SLC9C1: variants seen among roughly 807,000 people sequenced by gnomAD.
SLC9C1 encodes sodium/hydrogen exchanger 10.
Under a neutral mutation model 140.9 loss-of-function variants are expected in SLC9C1, and 97 were observed. That is an observed-to-expected ratio of 0.69 (90% confidence interval 0.58 to 0.82). The LOEUF is 0.82. SLC9C1 is among the 40% of genes least tolerant of loss of function. The pLI is 0.00. For synonymous variants in SLC9C1, 440 were observed against 442.6 expected (o/e 0.99, Z 0.07); for missense variants, 1,340 against 1,389.3 (o/e 0.96, Z 0.56).
rs768777268 is a variant in SLC9C1 at position 112,239,971 on chromosome 3, C to T, written c.1315G>A (p.Val439Ile). ...RDATSTKYKS[V>I]CCTFQHFQEL... ...TGAAAGTGTTGAAATGTGCAACAAACCGATTTATATTTTGTTGATGTGGCA... is the reference window on the plus strand; with the variant it reads ...TGAAAGTGTTGAAATGTGCAACAAATCGATTTATATTTTGTTGATGTGGCA... Residue 439 changes from valine to isoleucine, a missense_variant, in exon 12 of 29, where the codon GTT (valine) becomes ATT (isoleucine). Physicochemically the swap from Val to Ile is conservative, Grantham distance 29 (BLOSUM62 3). Transcript: ENST00000305815. 1.9e-6 allele frequency: 3 copies of T among 1,612,356 alleles called. No homozygotes were observed. In the Admixed American group the frequency reaches 5.0e-5, roughly 27 times the overall value.
chr3:112,243,945 A>G (rs776793910), intron 11 of SLC9C1, 50 bp downstream of exon 11: 3 of 1,263,902 alleles, frequency 2.4e-6, no homozygotes, highest in South Asian at 1.4e-5. Context: ...CTTCTTTACC[A>G]TACTTAGAAT....
At chr3:112,194,619 C>T (rs1431580790) in intron 20 of SLC9C1, among the ~76,000 whole-genome samples, 1 of 152,092 alleles carries the variant, frequency 6.6e-6, no homozygotes, top group African/African-American at 2.4e-5. Context: ...CTTGAGACTC[C>T]ACTTTCAATT....
chr3:112,230,440 A>C (rs2078790133), intron 13 of SLC9C1, among the ~76,000 whole-genome samples: 1 of 152,148 alleles, frequency 6.6e-6, no homozygotes. Context: ...AGCAATACCT[A>C]ATTTGGTAGG....
intron 14 of SLC9C1, among the ~76,000 whole-genome samples, chr3:112,218,712 GGTAA>G (rs2078457261): frequency 6.6e-6 from 1 of 152,088 alleles, no homozygotes; most frequent in African/African-American, 2.4e-5. Context: ...AGTAAAACGT[GGTAA>G]GTGTTGCCAC....
At chr3:112,289,813 C>T (rs924713356) in intron 1 of SLC9C1, among the ~76,000 whole-genome samples, 15 of 152,054 alleles carry the variant, frequency 9.9e-5, no homozygotes, top group Non-Finnish European at 1.5e-5. Context: ...CTGAAGATCT[C>T]GAATGTAATA....
intron 15 of SLC9C1, among the ~76,000 whole-genome samples, chr3:112,214,121 C>T (rs2078286709): frequency 1.3e-5 from 2 of 152,190 alleles, no homozygotes; most frequent in South Asian, 4.1e-4. Context: ...GGGTACATGA[C>T]AAAATGAAGG....
intron 6 of SLC9C1, among the ~76,000 whole-genome samples, chr3:112,271,083 A>G (rs1192114749): frequency 6.6e-6 from 1 of 152,152 alleles, no homozygotes; most frequent in Non-Finnish European, 1.5e-5. Context: ...AAAGGAAAAT[A>G]CCGCATGATC....
chr3:112,194,723 G>T (rs981334338), intron 20 of SLC9C1, among the ~76,000 whole-genome samples: 1 of 151,956 alleles, frequency 6.6e-6, no homozygotes, highest in African/African-American at 2.4e-5. Context: ...TTCCCACAGA[G>T]GTTATATCAT....
intron 18 of SLC9C1, among the ~76,000 whole-genome samples, chr3:112,201,116 G>A (rs1224922278): frequency 2.6e-5 from 4 of 151,992 alleles, no homozygotes; most frequent in African/African-American, 9.7e-5. Context: ...ACAAACATTA[G>A]CCCAACAGAA....
intron 14 of SLC9C1, among the ~76,000 whole-genome samples, chr3:112,219,934 A>G (rs1003329618): frequency 5.9e-5 from 9 of 152,132 alleles, no homozygotes; most frequent in Non-Finnish European, 1.2e-4. Context: ...TTATTGTGTC[A>G]TTTATTAAAA....
chr3:112,151,837 A>C lies in SLC9C1; in HGVS notation c.3524+20T>G. On this transcript the variant is annotated intron_variant, in intron 28 of 28. Transcript: ENST00000305815. ...GACAGATGTGCTCCTGATCCTGTTGAGGAAACCAGAGTGGCTTACCTGACT... is the reference window on the plus strand; with the variant it reads ...GACAGATGTGCTCCTGATCCTGTTGCGGAAACCAGAGTGGCTTACCTGACT... 6.3e-7 allele frequency: 1 copy of C among 1,598,426 alleles called. No homozygotes were observed. Among genetic ancestry groups the C allele is most frequent in the Non-Finnish European group, 8.6e-7 (1 of 1,167,422 alleles).
At position 112,204,218 on chromosome 3, in the gene SLC9C1, C is replaced by T; in HGVS notation, c.2172G>A (p.Lys724=). The change falls in exon 17 of 29, where the codon AAG becomes AAA. Residue 724 remains lysine, a splice_region_variant and synonymous_variant. Coordinates refer to ENST00000305815, the MANE Select transcript of SLC9C1 (RefSeq NM_183061.3). ...ATTGCACGATTTACTGGTTCTTTAC[C>T]TTGAAAATGCGTAGTATACGAAAAA... ...VQFFRILRIF[K]LIAPKLLQII... is the part of the protein sequence containing the mutation. 6.8e-7 allele frequency: 1 copy of T among 1,475,836 alleles called. No individual in the cohort carries two copies. The highest frequency in any genetic ancestry group is 2.7e-5 in the East Asian group (1 of 36,834). 91.4% of individuals were successfully genotyped at this position (1,475,836 alleles called of 1,614,324 possible).
intron 20 of SLC9C1, among the ~76,000 whole-genome samples, chr3:112,194,316 G>A (rs563461090): frequency 9.2e-5 from 14 of 152,270 alleles, no homozygotes; most frequent in East Asian, 3.9e-4. Context: ...GCCAATATGC[G>A]TGGGGGAGAT....
chr3:112,179,293 T>C (rs1029856136), intron 23 of SLC9C1, among the ~76,000 whole-genome samples: 1 of 152,146 alleles, frequency 6.6e-6, no homozygotes, highest in Non-Finnish European at 1.5e-5. Flanking sequence ...AGAGCTTATA[T>C]TGCCAGTTTT....
At chr3:112,238,453 A>C (rs1391873078) in intron 12 of SLC9C1, among the ~76,000 whole-genome samples, 9 of 152,302 alleles carry the variant, frequency 5.9e-5, no homozygotes, top group African/African-American at 2.2e-4. Context: ...TTCTTCTCTC[A>C]ACTCGTCATA....
chr3:112,255,892 G>C (rs1404449476), intron 10 of SLC9C1, among the ~76,000 whole-genome samples: 3 of 152,090 alleles, frequency 2.0e-5, no homozygotes. Flanking sequence ...AAATGACAAA[G>C]TGTATGCTAC....
At chr3:112,273,813 C>T (rs2080142274) in intron 6 of SLC9C1, among the ~76,000 whole-genome samples, 1 of 152,052 alleles carries the variant, frequency 6.6e-6, no homozygotes, top group Non-Finnish European at 1.5e-5. Context: ...AATCCCACTG[C>T]AGCAGAGTGG....
chr3:112,293,112 C>CAAAAA (rs58937356), intron 1 of SLC9C1, among the ~76,000 whole-genome samples: 2 of 128,994 alleles, frequency 1.6e-5, no homozygotes, highest in Non-Finnish European at 3.2e-5. Flanking sequence ...ACTAAAAATA[C>CAAAAA]AAAAAAAAAA....
intron 12 of SLC9C1, among the ~76,000 whole-genome samples, chr3:112,233,828 G>A (rs1187211483): frequency 6.6e-6 from 1 of 152,056 alleles, no homozygotes; most frequent in African/African-American, 2.4e-5. Context: ...TTTTATGGCT[G>A]CATAGTATTC....
Sources: allele counts gnomAD v4.1 joint callset (sites outside exome capture counted in the v4.1 genomes callset), GRCh38; gene constraint gnomAD v4.1.1; transcripts MANE v1.5; gene names NCBI Gene and HGNC (gene_info 2026-07-23, HGNC 2026-07-21).